Variants in IGSF11 observed in about 807,000 individuals in gnomAD.
IGSF11 encodes the protein CXADR like 1.
IGSF11 carries 22 observed loss-of-function variants against 41.0 expected under a neutral mutation model. The ratio of observed to expected loss-of-function variants is 0.54; its 90% confidence interval spans 0.38 to 0.77. IGSF11 has a LOEUF of 0.77. Among genes scored for constraint, IGSF11 ranks in the 30% least tolerant of loss-of-function variants. The pLI, the probability that IGSF11 is intolerant of heterozygous loss-of-function variation, is 0.00. For missense variants in IGSF11, 444 were observed against 530.8 expected, an observed-to-expected ratio of 0.84 and a Z score of 1.61; for synonymous variants, 219 against 201.3, an observed-to-expected ratio of 1.09 and a Z score of -0.74.
At chr3:118,998,550 T>C (rs1276823137) in intron 1 of IGSF11, among the ~76,000 whole-genome samples, 1 of 151,436 alleles carries the variant, frequency 6.6e-6, no homozygotes, top group Non-Finnish European at 1.5e-5. Flanking sequence ...GGTGAATAAG[T>C]ATTATCTGCA....
At chr3:118,991,562 G>A (rs1935795265) in intron 1 of IGSF11, among the ~76,000 whole-genome samples, 1 of 152,098 alleles carries the variant, frequency 6.6e-6, no homozygotes, top group South Asian at 2.1e-4. Context: ...ATATTAAAAA[G>A]TTTAATTTCC....
In IGSF11 at chr3:119,073,819, C is replaced by T. The variant is rs764185014; in HGVS notation, c.49+31325G>A. The stretch of plus-strand genomic sequence containing the variant: ...CCCACAAGCAGAGGGAGCTGGCTCC[C>T]GCCTCAGCCAGTCCGGAGAGGGGCT... On this transcript the variant is annotated intron_variant, in intron 1 of 6. Transcript: ENST00000354673. Among the ~76,000 whole-genome samples, 149 of 152,306 alleles carry T rather than the reference C, an allele frequency of 9.8e-4. 1 individual carries two copies. Among genetic ancestry groups the T allele is most frequent in the Non-Finnish European group, 1.9e-3 (130 of 68,012 alleles).
chr3:119,071,691 T>A (rs1278091127), intron 1 of IGSF11, among the ~76,000 whole-genome samples: 2 of 152,214 alleles, frequency 1.3e-5, no homozygotes, highest in Non-Finnish European at 2.9e-5. Flanking sequence ...GATCTATATG[T>A]CCATCATCAT....
intron 1 of IGSF11, among the ~76,000 whole-genome samples, chr3:119,134,814 A>G (rs921191750): frequency 6.6e-6 from 1 of 152,230 alleles, no homozygotes; most frequent in Non-Finnish European, 1.5e-5. Flanking sequence ...ACTATACTAC[A>G]AGGCTACAGT....
rs187269094 is a variant in IGSF11, at chr3:119,019,604, C to T, written c.52+14927G>A. Among the ~76,000 whole-genome samples, 285 of 152,094 alleles carry T rather than the reference C, an allele frequency of 1.9e-3. 3 individuals carry two copies. Among genetic ancestry groups the T allele is most frequent in the South Asian group, 0.015 (73 of 4,786 alleles). On this transcript the variant is annotated intron_variant, in intron 1 of 6. Coordinates refer to ENST00000393775, the MANE Select transcript of IGSF11 (RefSeq NM_001015887.3). ...AAGGAGAGAGTGCTCAAATTACCCC[C>T]AGCCAGAGAAGGAAAGAGTTGCCCC...
intron 1 of IGSF11, among the ~76,000 whole-genome samples, chr3:118,950,932 G>A (rs1291689476): frequency 3.9e-5 from 6 of 152,176 alleles, no homozygotes; most frequent in Admixed American, 3.9e-4. Flanking sequence ...TTACAGTACT[G>A]TGTATTACAG....
chr3:119,008,051 A>G (rs1021814190), intron 1 of IGSF11, among the ~76,000 whole-genome samples: 2 of 150,898 alleles, frequency 1.3e-5, no homozygotes, highest in Admixed American at 1.3e-4. Flanking sequence ...CTCTACAGAC[A>G]AGGAAGCTGA....
upstream of IGSF11, among the ~76,000 whole-genome samples, chr3:119,038,121 C>G (rs1337741347): frequency 6.6e-6 from 1 of 151,942 alleles, no homozygotes; most frequent in African/African-American, 2.4e-5. Context: ...ATTTTTCTCC[C>G]TCCCCCTCCC....
At chr3:119,005,107 T>A (rs1559777487) in intron 1 of IGSF11, among the ~76,000 whole-genome samples, 1 of 148,544 alleles carries the variant, frequency 6.7e-6, no homozygotes, top group Non-Finnish European at 1.5e-5. Context: ...TAAGTCTCTT[T>A]GTAGGTCACT....
chr3:118,948,464 G>C (rs572140806), intron 1 of IGSF11: 1 of 152,274 alleles, frequency 6.6e-6, no homozygotes, highest in South Asian at 2.1e-4. Context: ...GGAGATTACA[G>C]AATCCTTAAC....
At chr3:119,018,807 T>A (rs964821597) in intron 1 of IGSF11, among the ~76,000 whole-genome samples, 1 of 152,130 alleles carries the variant, frequency 6.6e-6, no homozygotes, top group Non-Finnish European at 1.5e-5. Context: ...AAAGAAGAAA[T>A]GTGTGAGACT....
At chr3:119,069,618 T>C (rs9871156) in intron 1 of IGSF11, among the ~76,000 whole-genome samples, 25,829 of 152,104 alleles carry the variant, frequency 0.17, 2,702 homozygotes, top group Non-Finnish European at 0.24. Flanking sequence ...GATATTACTG[T>C]TAACATTTTC....
At chr3:119,091,167 C>A (rs2076755494) in intron 1 of IGSF11, among the ~76,000 whole-genome samples, 1 of 152,178 alleles carries the variant, frequency 6.6e-6, no homozygotes, top group East Asian at 1.9e-4. Context: ...CCATCTCACA[C>A]CAGTCAGATG....
chr3:119,137,223 C>T (rs999498590), intron 1 of IGSF11, among the ~76,000 whole-genome samples: 1 of 151,860 alleles, frequency 6.6e-6, no homozygotes, highest in Non-Finnish European at 1.5e-5. Flanking sequence ...AAAAAAAAAT[C>T]CTCAAATTTA....
intron 4 of IGSF11, among the ~76,000 whole-genome samples, chr3:118,919,275 A>G (rs932956279): frequency 2.1e-5 from 3 of 141,248 alleles, no homozygotes; most frequent in Admixed American, 7.0e-5. Context: ...TAATTAAACT[A>G]AAGAGTTTCT....
rs549911332 is a variant in IGSF11 at position 119,017,092 on chromosome 3, T to C, written c.52+17439A>G. Among the ~76,000 whole-genome samples, 19 of 141,676 alleles carry C rather than the reference T, an allele frequency of 1.3e-4. No homozygotes were observed. In the South Asian group the frequency reaches 3.7e-3, roughly 28 times the overall value. 92.9% of individuals were successfully genotyped at this position (141,676 alleles called of 152,430 possible). On this transcript the variant is annotated intron_variant, in intron 1 of 6. Coordinates refer to ENST00000393775, the MANE Select transcript of IGSF11 (RefSeq NM_001015887.3). ...GGGGCCAACTTCACTTGGGAGGTGA[T>C]ATCCAAGCTGGGTACTAAAGCATAA...
chr3:118,975,363 TAA>T (rs376307753), intron 1 of IGSF11, among the ~76,000 whole-genome samples: 72 of 140,474 alleles, frequency 5.1e-4, no homozygotes, highest in Non-Finnish European at 4.3e-4. Context: ...CTGCTGGATT[TAA>T]AAAAAAAAAA....
chr3:118,998,002 G>T (rs1936440370), intron 1 of IGSF11, among the ~76,000 whole-genome samples: 1 of 152,140 alleles, frequency 6.6e-6, no homozygotes, highest in Admixed American at 6.5e-5. Flanking sequence ...GCCAACATCA[G>T]TGTTTAACTA....
intron 4 of IGSF11, among the ~76,000 whole-genome samples, chr3:118,918,057 AC>A (rs1210075496): frequency 7.5e-6 from 1 of 133,238 alleles, no homozygotes; most frequent in South Asian, 2.8e-4. Flanking sequence ...AAATTCAACA[AC>A]CCTTCATGCT....
Sources: allele counts gnomAD v4.1 joint callset (sites outside exome capture counted in the v4.1 genomes callset), GRCh38; gene constraint gnomAD v4.1.1; transcripts MANE v1.5; gene names NCBI Gene and HGNC (gene_info 2026-07-23, HGNC 2026-07-21).